The following AJAP1 variants were observed in gnomAD, a reference collection of about 807,000 sequenced individuals.
AJAP1 encodes the protein adherens junctions associated protein 1.
A neutral mutation model predicts 35.0 loss-of-function variants in AJAP1; 5 were observed. The observed-to-expected ratio is 0.14, with a 90% confidence interval of 0.07 to 0.30. AJAP1 has a LOEUF of 0.30. AJAP1 is among the 10% of genes least tolerant of loss of function. The pLI is 1.00. For missense variants in AJAP1, 586 were observed against 571.0 expected, an observed-to-expected ratio of 1.03 and a Z score of -0.27; for synonymous variants, 284 against 249.3, an observed-to-expected ratio of 1.14 and a Z score of -1.31.
At position 4,790,503 on chromosome 1, in the gene AJAP1, TTTTGAAAA is replaced by T. The variant is rs1210036862; in HGVS notation, c.*8019_*8026del. On this transcript the variant is annotated 3_prime_UTR_variant, in exon 6 of 6. Coordinates refer to ENST00000378191, the MANE Select transcript of AJAP1 (RefSeq NM_018836.4). Reference sequence around the variant, plus strand: ...GCTGGAAGACAAGCGGGGCAACTGGTTTTGAAAAGCCCGCTGGCGTGCCAGAGGGGGTG... The same window carrying T: ...GCTGGAAGACAAGCGGGGCAACTGGTGCCCGCTGGCGTGCCAGAGGGGGTG... 7.2e-5 allele frequency: 11 copies of T among 152,268 alleles called. No homozygotes were observed. Among genetic ancestry groups the T allele is most frequent in the African/African-American group, 2.2e-4 (9 of 41,566 alleles). The allele number at this position is 152,268 out of a possible 1,614,324, so 9.4% of individuals were successfully genotyped here.
intron 2 of AJAP1, among the ~76,000 whole-genome samples, chr1:4,713,005 G>A (rs1463474840): frequency 2.6e-5 from 4 of 152,134 alleles, no homozygotes; most frequent in Non-Finnish European, 4.4e-5. Flanking sequence ...GTTACAGACC[G>A]GTGGAATCCA....
chr1:4,768,183 C>T (rs61763721), intron 2 of AJAP1, among the ~76,000 whole-genome samples: 10,405 of 152,284 alleles, frequency 0.068, 415 homozygotes, highest in Middle Eastern at 0.16. Flanking sequence ...CAGGGGGCAT[C>T]GGAGCAGCTG....
intron 5 of AJAP1, 139 bp downstream of exon 5, chr1:4,774,697 A>G: frequency 1.7e-6 from 1 of 581,278 alleles, no homozygotes; most frequent in Non-Finnish European, 3.0e-6. Context: ...TTCTCTGAAC[A>G]TGAGCCGGCG....
chr1:4,665,301 A>T (rs1639092213), intron 1 of AJAP1, among the ~76,000 whole-genome samples: 1 of 152,128 alleles, frequency 6.6e-6, no homozygotes, highest in Non-Finnish European at 1.5e-5. Context: ...TGGCCCCATT[A>T]GGCGCCTGGG....
At chr1:4,740,658 C>T (rs1313965155) in intron 2 of AJAP1, among the ~76,000 whole-genome samples, 2 of 151,188 alleles carry the variant, frequency 1.3e-5, no homozygotes, top group African/African-American at 4.9e-5. Context: ...TGGTGGCGGG[C>T]GCCTGTAGTC....
chr1:4,676,376 C>T (rs1427084948), intron 1 of AJAP1, among the ~76,000 whole-genome samples: 20 of 152,250 alleles, frequency 1.3e-4, no homozygotes, highest in South Asian at 4.2e-4. Flanking sequence ...AGAGGCCACC[C>T]GCTTCTGAAA....
At position 4,791,408 on chromosome 1, in the gene AJAP1, C is replaced by A. The variant is rs1218878480; in HGVS notation, c.*8923C>A. ...CCAAACAGAAGGGAAATGTCTGGAACCTTCCAGTTGTTTAATTCTGTAGAA... is the reference window on the plus strand; with the variant it reads ...CCAAACAGAAGGGAAATGTCTGGAAACTTCCAGTTGTTTAATTCTGTAGAA... On this transcript the variant is annotated 3_prime_UTR_variant, in exon 6 of 6. Coordinates refer to ENST00000378191, the MANE Select transcript of AJAP1 (RefSeq NM_018836.4). The A allele has an allele frequency of 2.0e-5, 3 of 152,202 alleles. No homozygotes were observed. Among genetic ancestry groups the A allele is most frequent in the Non-Finnish European group, 4.4e-5 (3 of 68,038 alleles). 9.4% of individuals were successfully genotyped at this position (152,202 alleles called of 1,614,324 possible).
At chr1:4,685,270 T>C (rs953633877) in intron 1 of AJAP1, among the ~76,000 whole-genome samples, 4 of 152,152 alleles carry the variant, frequency 2.6e-5, no homozygotes, top group Admixed American at 1.3e-4. Flanking sequence ...CCTAATTCAA[T>C]CATAAAATGG....
intron 2 of AJAP1, among the ~76,000 whole-genome samples, chr1:4,748,147 C>A (rs1300947636): frequency 2.0e-5 from 3 of 152,168 alleles, no homozygotes; most frequent in African/African-American, 7.2e-5. Flanking sequence ...GCCACTGCCT[C>A]TGGCCTCATC....
chr1:4,660,172 T>C (rs532325358), intron 1 of AJAP1, among the ~76,000 whole-genome samples: 13 of 152,340 alleles, frequency 8.5e-5, no homozygotes, highest in African/African-American at 3.1e-4. Flanking sequence ...TGCCCTTGAA[T>C]TCTTTTCTGG....
At chr1:4,762,472 GC>G (rs1362153132) in intron 2 of AJAP1, among the ~76,000 whole-genome samples, 1 of 152,218 alleles carries the variant, frequency 6.6e-6, no homozygotes, top group Admixed American at 6.5e-5. Context: ...CTGTGGCAGA[GC>G]CCAGCACAAA....
chr1:4,721,534 C>T (rs1640516986), intron 2 of AJAP1, among the ~76,000 whole-genome samples: 1 of 152,210 alleles, frequency 6.6e-6, no homozygotes, highest in South Asian at 2.1e-4. Context: ...GCGTCCCTGG[C>T]CAAGATTTCA....
At chr1:4,691,482 A>T (rs1182561180) in intron 1 of AJAP1, among the ~76,000 whole-genome samples, 1 of 152,228 alleles carries the variant, frequency 6.6e-6, no homozygotes, top group Non-Finnish European at 1.5e-5. Context: ...GGCTGGGTAC[A>T]CAGTGGGGCT....
chr1:4,701,854 C>T (rs753682185), intron 1 of AJAP1, among the ~76,000 whole-genome samples: 111 of 152,290 alleles, frequency 7.3e-4, no homozygotes, highest in Non-Finnish European at 1.4e-3. Flanking sequence ...TGCAGGGTGG[C>T]ACCTGCCAGG....
intron 1 of AJAP1, among the ~76,000 whole-genome samples, chr1:4,671,439 T>G (rs1293271075): frequency 6.6e-6 from 1 of 150,722 alleles, no homozygotes; most frequent in East Asian, 1.9e-4. Context: ...GCATGTGCAC[T>G]GCATCCATTA....
At chr1:4,659,416 G>A (rs536440065) in intron 1 of AJAP1, among the ~76,000 whole-genome samples, 13 of 152,262 alleles carry the variant, frequency 8.5e-5, no homozygotes, top group Admixed American at 5.9e-4. Flanking sequence ...TGGTACAGTC[G>A]ACTCCATTCT....
At chr1:4,760,651 TCAGAAGGA>T (rs1641544999) in intron 2 of AJAP1, among the ~76,000 whole-genome samples, 1 of 152,186 alleles carries the variant, frequency 6.6e-6, no homozygotes, top group Non-Finnish European at 1.5e-5. Flanking sequence ...TGAATGCAGG[TCAGAAGGA>T]GCAGATGGAC....
chr1:4,666,202 C>T (rs1032596811), intron 1 of AJAP1, among the ~76,000 whole-genome samples: 31 of 150,038 alleles, frequency 2.1e-4, no homozygotes, highest in Non-Finnish European at 4.3e-4. Context: ...CTCCGGCCCA[C>T]CCAGGAGGGG....
At chr1:4,726,357 T>C (rs370871657) in intron 2 of AJAP1, among the ~76,000 whole-genome samples, 94 of 152,238 alleles carry the variant, frequency 6.2e-4, no homozygotes, top group African/African-American at 2.2e-3. Flanking sequence ...AACATCGTCC[T>C]GTGTTTAGAG....
Sources: gnomAD v4.1 joint callset for allele counts (sites outside exome capture counted in the v4.1 genomes callset) on GRCh38, gnomAD v4.1.1 for gene constraint, MANE v1.5 for transcripts, NCBI Gene and HGNC (gene_info 2026-07-23, HGNC 2026-07-21) for gene names.